Variants in PTPRD observed in about 807,000 individuals in gnomAD.
PTPRD encodes the protein receptor-type tyrosine-protein phosphatase delta.
In PTPRD, 34 loss-of-function variants were observed where a neutral mutation model predicts 214.5. That is an observed-to-expected ratio of 0.16 (90% CI 0.12 to 0.21). PTPRD has a LOEUF of 0.21. PTPRD is among the 10% of genes least tolerant of loss of function. The probability of loss-of-function intolerance (pLI) is 1.00; values close to 1 mark genes in which losing one functional copy is unlikely to be tolerated. For missense variants in PTPRD, 2,545 were observed against 2,398.7 expected (o/e 1.06, Z -1.27); for synonymous variants, 1,128 against 845.7 (o/e 1.33, Z -5.79).
chr9:9,095,978 G>T (rs959778147), intron 10 of PTPRD, among the ~76,000 whole-genome samples: 2 of 152,144 alleles, frequency 1.3e-5, no homozygotes, highest in East Asian at 3.9e-4. Flanking sequence ...AGGATATTAG[G>T]CTAAGTGAAA....
chr9:10,403,905 G>A (rs542357376), intron 2 of PTPRD, among the ~76,000 whole-genome samples: 113 of 151,728 alleles, frequency 7.4e-4, no homozygotes, highest in African/African-American at 2.5e-3. Flanking sequence ...TACTCTGTAC[G>A]ATACTATAAA....
intron 9 of PTPRD, among the ~76,000 whole-genome samples, chr9:9,222,249 CAAACA>C (rs1350808324): frequency 6.6e-6 from 1 of 151,980 alleles, no homozygotes; most frequent in Non-Finnish European, 1.5e-5. Flanking sequence ...GAAAGTTTAG[CAAACA>C]ACTTCCAGGC....
chr9:9,912,540 A>G (rs1218384428), intron 5 of PTPRD, among the ~76,000 whole-genome samples: 1 of 152,186 alleles, frequency 6.6e-6, no homozygotes, highest in Non-Finnish European at 1.5e-5. Context: ...ATCACTACCT[A>G]GAAATAATTT....
At chr9:9,281,234 T>C (rs1011901222) in intron 9 of PTPRD, among the ~76,000 whole-genome samples, 5 of 151,144 alleles carry the variant, frequency 3.3e-5, no homozygotes, top group Non-Finnish European at 7.4e-5. Flanking sequence ...GTATGATCAG[T>C]GAAATAAATA....
At chr9:9,140,175 T>C (rs989885087) in intron 10 of PTPRD, among the ~76,000 whole-genome samples, 4 of 149,376 alleles carry the variant, frequency 2.7e-5, no homozygotes, top group Non-Finnish European at 5.9e-5. Flanking sequence ...TGGGTCACTA[T>C]GTAAATCCAT....
intron 5 of PTPRD, among the ~76,000 whole-genome samples, chr9:9,795,928 T>C (rs1174329066): frequency 6.6e-6 from 1 of 152,180 alleles, no homozygotes; most frequent in African/African-American, 2.4e-5. Flanking sequence ...CTACAGAAAC[T>C]ATCACAGGAT....
chr9:9,270,248 AT>A (rs1942278105), intron 9 of PTPRD, among the ~76,000 whole-genome samples: 1 of 151,410 alleles, frequency 6.6e-6, no homozygotes, highest in African/African-American at 2.4e-5. Flanking sequence ...AGGGGAAAAT[AT>A]TAAATAAATA....
At chr9:8,560,536 T>G (rs1267146381) in intron 14 of PTPRD, among the ~76,000 whole-genome samples, 2 of 150,900 alleles carry the variant, frequency 1.3e-5, no homozygotes, top group Non-Finnish European at 2.9e-5. Flanking sequence ...ATAATTAAAT[T>G]TAAAAAAATG....
At chr9:10,567,383 CA>C (rs5896403) in intron 2 of PTPRD, among the ~76,000 whole-genome samples, 1 of 151,682 alleles carries the variant, frequency 6.6e-6, no homozygotes, top group Non-Finnish European at 1.5e-5. Flanking sequence ...AGCTTTTCTG[CA>C]AAAAATAATT....
At chr9:9,730,698 AG>A (rs2098173797) in intron 7 of PTPRD, among the ~76,000 whole-genome samples, 1 of 152,138 alleles carries the variant, frequency 6.6e-6, no homozygotes, top group Non-Finnish European at 1.5e-5. Flanking sequence ...TAGAGTCCAA[AG>A]GATAGACTGA....
chr9:9,597,576 C>G (rs1000039797), intron 7 of PTPRD, among the ~76,000 whole-genome samples: 1 of 151,832 alleles, frequency 6.6e-6, no homozygotes, highest in African/African-American at 2.4e-5. Flanking sequence ...ACTGCAAAAA[C>G]GAAAGCAGGA....
At chr9:10,559,722 A>T (rs540496055) in intron 2 of PTPRD, among the ~76,000 whole-genome samples, 1 of 152,154 alleles carries the variant, frequency 6.6e-6, no homozygotes, top group Non-Finnish European at 1.5e-5. Context: ...GAAAAAAACA[A>T]ACAACCCCAT....
chr9:8,380,322 C>A (rs2084625502), intron 37 of PTPRD, among the ~76,000 whole-genome samples: 1 of 152,042 alleles, frequency 6.6e-6, no homozygotes, highest in East Asian at 1.9e-4. Flanking sequence ...TTCTGAGATT[C>A]CAAACAATTC....
chr9:9,927,348 G>A (rs1217652786), intron 5 of PTPRD, among the ~76,000 whole-genome samples: 1 of 151,976 alleles, frequency 6.6e-6, no homozygotes, highest in African/African-American at 2.4e-5. Context: ...TATTATGAAA[G>A]CATTGCTAGC....
At chr9:10,163,554 T>C (rs539937902) in intron 3 of PTPRD, among the ~76,000 whole-genome samples, 11 of 151,602 alleles carry the variant, frequency 7.3e-5, no homozygotes, top group African/African-American at 2.2e-4. Context: ...CATATTTTAA[T>C]CTCATAATTC....
chr9:9,656,067 T>C (rs1012595025), intron 7 of PTPRD, among the ~76,000 whole-genome samples: 2 of 152,166 alleles, frequency 1.3e-5, no homozygotes, highest in Non-Finnish European at 2.9e-5. Flanking sequence ...ATTAAAACAA[T>C]GCGGTACCAC....
At chr9:9,770,495 C>T (rs768224) in intron 5 of PTPRD, among the ~76,000 whole-genome samples, 68,966 of 151,834 alleles carry the variant, frequency 0.45, 16,099 homozygotes, top group East Asian at 0.69. Context: ...ATGTTCAGTG[C>T]CTTGAAATAA....
At chr9:10,102,549 T>C (rs2098563210) in intron 3 of PTPRD, among the ~76,000 whole-genome samples, 1 of 151,592 alleles carries the variant, frequency 6.6e-6, no homozygotes. Context: ...ATATTACTTA[T>C]ATTAATAAAA....
intron 2 of PTPRD, among the ~76,000 whole-genome samples, chr9:10,558,124 T>C (rs1012146183): frequency 6.6e-6 from 1 of 152,156 alleles, no homozygotes; most frequent in Non-Finnish European, 1.5e-5. Flanking sequence ...ACAAGGCTAA[T>C]ATGCTGAAAG....
Sources: gnomAD v4.1 joint callset for allele counts (sites outside exome capture counted in the v4.1 genomes callset) on GRCh38, gnomAD v4.1.1 for gene constraint, MANE v1.5 for transcripts, NCBI Gene and HGNC (gene_info 2026-07-23, HGNC 2026-07-21) for gene names.